Variants in EPB41L2 observed in about 807,000 individuals in gnomAD.
EPB41L2 encodes erythrocyte membrane protein band 4.1 like 2, also known as band 4.1-like protein 2.
In EPB41L2, 43 loss-of-function variants were observed where a neutral mutation model predicts 113.0. The observed-to-expected ratio is 0.38, with a 90% CI of 0.30 to 0.49. The LOEUF (loss-of-function observed/expected upper bound fraction) is 0.49, where lower values mean the gene tolerates loss of function less well. Among genes scored for constraint, EPB41L2 ranks in the 20% least tolerant of loss-of-function variants. EPB41L2 has a pLI of 0.95. For missense variants in EPB41L2, 1,147 were observed against 1,223.4 expected, an observed-to-expected ratio of 0.94 and a Z score of 0.93; for synonymous variants, 442 against 436.7, an observed-to-expected ratio of 1.01 and a Z score of -0.15.
chr6:130,910,729 T>G (rs1167483884), intron 4 of EPB41L2, among the ~76,000 whole-genome samples: 1 of 152,214 alleles, frequency 6.6e-6, no homozygotes, highest in Non-Finnish European at 1.5e-5. Flanking sequence ...GAATAGACAC[T>G]TCTCAAAAGA....
intron 4 of EPB41L2, among the ~76,000 whole-genome samples, chr6:130,920,739 G>A (rs1802610331): frequency 6.6e-6 from 1 of 151,872 alleles, no homozygotes; most frequent in Non-Finnish European, 1.5e-5. Context: ...CAAATTCCAG[G>A]GCTCAACTGA....
intron 12 of EPB41L2, 41 bp downstream of exon 12, chr6:130,885,055 A>G: frequency 6.2e-7 from 1 of 1,604,814 alleles, no homozygotes; most frequent in South Asian, 1.1e-5. Context: ...CTCTAGGTTA[A>G]GTAAATGTTT....
At chr6:131,041,778 A>G (rs1275259854) in intron 1 of EPB41L2, among the ~76,000 whole-genome samples, 1 of 152,230 alleles carries the variant, frequency 6.6e-6, no homozygotes, top group East Asian at 1.9e-4. Context: ...AACAAAGTAC[A>G]TATTAAGATA....
chr6:130,854,245 A>C (rs1779585535), intron 19 of EPB41L2, among the ~76,000 whole-genome samples: 1 of 152,092 alleles, frequency 6.6e-6, no homozygotes, highest in African/African-American at 2.4e-5. Flanking sequence ...CTCTCTGCCA[A>C]GGAGGGGGAC....
chr6:130,938,098 T>C (rs1809504804), intron 3 of EPB41L2, among the ~76,000 whole-genome samples: 1 of 152,166 alleles, frequency 6.6e-6, no homozygotes, highest in Non-Finnish European at 1.5e-5. Context: ...TTTATTATGG[T>C]TGTAAAGCAG....
chr6:130,872,716 C>A (rs551702299), intron 14 of EPB41L2, among the ~76,000 whole-genome samples: 2 of 152,300 alleles, frequency 1.3e-5, no homozygotes, highest in East Asian at 1.9e-4. Context: ...TTTGTGAGCG[C>A]CAGCTTTTCC....
At chr6:130,874,862 A>G (rs547334592) in intron 14 of EPB41L2, among the ~76,000 whole-genome samples, 1 of 152,344 alleles carries the variant, frequency 6.6e-6, no homozygotes, top group Admixed American at 6.5e-5. Context: ...AAAATGTCAA[A>G]GTTTCCTACT....
Position 131,001,852 on chromosome 6 carries a change from C to A in EPB41L2, c.-14-45353G>T, listed in dbSNP as rs147286380. Among the ~76,000 whole-genome samples the A allele has an allele frequency of 2.2e-4, 33 of 152,188 alleles. No individual in the cohort carries two copies. The East Asian group carries it at 5.2e-3, about 24-fold the overall frequency. On this transcript the variant is annotated intron_variant, in intron 1 of 19. Coordinates refer to ENST00000337057, the MANE Select transcript of EPB41L2 (RefSeq NM_001431.4). Reference sequence around the variant, plus strand: ...CATTGCCCCCATGCCAGCTTCAATTCTTCCCTCAAGATAAAGAAAGCCGAG... The same window carrying A: ...CATTGCCCCCATGCCAGCTTCAATTATTCCCTCAAGATAAAGAAAGCCGAG...
At chr6:130,877,405 G>T (rs748543844) in intron 14 of EPB41L2, among the ~76,000 whole-genome samples, 1 of 152,192 alleles carries the variant, frequency 6.6e-6, no homozygotes, top group Non-Finnish European at 1.5e-5. Flanking sequence ...GGATTTGGAA[G>T]AATCCTAGAG....
intron 1 of EPB41L2, among the ~76,000 whole-genome samples, chr6:131,013,789 G>T (rs908848558): frequency 6.6e-6 from 1 of 152,052 alleles, no homozygotes; most frequent in African/African-American, 2.4e-5. Context: ...TTAAGAAAGG[G>T]CCCCATATAT....
chr6:130,876,266 A>G (rs1431140885), intron 14 of EPB41L2, among the ~76,000 whole-genome samples: 1 of 152,102 alleles, frequency 6.6e-6, no homozygotes, highest in Non-Finnish European at 1.5e-5. Flanking sequence ...ACAAGTGAAA[A>G]CTCAAAAGGT....
At position 130,968,006 on chromosome 6, in the gene EPB41L2, G is replaced by A. The variant is rs373225580; in HGVS notation, c.-14-11507C>T. On this transcript the variant is annotated intron_variant, in intron 1 of 19. Coordinates refer to ENST00000337057, the MANE Select transcript of EPB41L2 (RefSeq NM_001431.4). Reference sequence around the variant, plus strand: ...ACTCCCATGATCATGACAGATGCCAGCGAGTCTATTTTTCCTAAGCTCACC... The same window carrying A: ...ACTCCCATGATCATGACAGATGCCAACGAGTCTATTTTTCCTAAGCTCACC... 6.6e-5 allele frequency among the ~76,000 whole-genome samples: 10 copies of A among 152,144 alleles called. No individual in the cohort carries two copies. The East Asian group carries it at 9.6e-4, about 15-fold the overall frequency.
At chr6:130,846,715 G>A (rs1182778887) in intron 19 of EPB41L2, among the ~76,000 whole-genome samples, 1 of 152,154 alleles carries the variant, frequency 6.6e-6, no homozygotes, top group African/African-American at 2.4e-5. Context: ...TTGGGACTGG[G>A]TTGACCTTCC....
intron 12 of EPB41L2, 99 bp from the exon 13 acceptor site, chr6:130,880,305 A>G (rs1788892692): frequency 1.3e-6 from 1 of 755,156 alleles, no homozygotes; most frequent in Non-Finnish European, 2.2e-6. Context: ...AGTCTAAGAC[A>G]TTAAAATAAA....
rs1787751398 is a variant in EPB41L2 at position 130,876,918 on chromosome 6, G to A, written c.2043+1186C>T. 1.3e-5 allele frequency: 4 copies of A among 315,576 alleles called. No homozygotes were observed. In the South Asian group the frequency reaches 1.3e-4, roughly 10 times the overall value. 19.5% of individuals were successfully genotyped at this position (315,576 alleles called of 1,614,324 possible). A position where few individuals can be genotyped will look rare whatever the true frequency, so the allele number is the denominator to read the frequency against. ...CACATAATGGAAGGTGAAAACCTTG[G>A]CATGGCATCAGACCCTTTCTCCAGA... On this transcript the variant is annotated intron_variant, in intron 14 of 19. Coordinates refer to ENST00000337057, the MANE Select transcript of EPB41L2 (RefSeq NM_001431.4).
At chr6:131,014,775 TAAA>T (rs1787807794) in intron 1 of EPB41L2, among the ~76,000 whole-genome samples, 1 of 152,144 alleles carries the variant, frequency 6.6e-6, no homozygotes, top group Admixed American at 6.5e-5. Context: ...CAAGAGAAGA[TAAA>T]AGAGTATTTT....
chr6:130,954,063 T>C (rs1816470024), intron 3 of EPB41L2, among the ~76,000 whole-genome samples: 1 of 118,236 alleles, frequency 8.5e-6, no homozygotes, highest in African/African-American at 3.1e-5. Flanking sequence ...TTTTTTTTTT[T>C]TTTTTTTGAG....
intron 1 of EPB41L2, among the ~76,000 whole-genome samples, chr6:131,030,885 C>T (rs1206708862): frequency 5.3e-5 from 8 of 150,168 alleles, no homozygotes; most frequent in Non-Finnish European, 8.9e-5. Flanking sequence ...AGGACCAGCC[C>T]GAGCAACATG....
intron 11 of EPB41L2, among the ~76,000 whole-genome samples, chr6:130,889,401 C>A (rs1446236833): frequency 6.6e-6 from 1 of 151,910 alleles, no homozygotes; most frequent in Non-Finnish European, 1.5e-5. Context: ...AAACTTATTT[C>A]ATGTGTAGTT....
Sources: gnomAD v4.1 joint callset for allele counts (sites outside exome capture counted in the v4.1 genomes callset) on GRCh38, gnomAD v4.1.1 for gene constraint, MANE v1.5 for transcripts, NCBI Gene and HGNC (gene_info 2026-07-23, HGNC 2026-07-21) for gene names.